AIF1: variants seen among roughly 807,000 people sequenced by gnomAD.
The protein encoded by AIF1 is allograft inflammatory factor 1.
A neutral mutation model predicts 20.6 loss-of-function variants in AIF1; 21 were observed. That is an observed-to-expected ratio of 1.02 (90% confidence interval 0.72 to 1.47). The LOEUF (loss-of-function observed/expected upper bound fraction) is 1.47. AIF1 is among the 40% of genes most tolerant of loss of function. AIF1 has a pLI of 0.00. For missense variants in AIF1, 161 were observed against 170.5 expected (o/e 0.94, Z 0.31); for synonymous variants, 52 against 65.8 (o/e 0.79, Z 1.01).
intron 3 of AIF1, 150 bp downstream of exon 3, chr6:31,615,886 C>G: frequency 1.3e-6 from 2 of 1,485,884 alleles, no homozygotes; most frequent in Non-Finnish European, 1.8e-6. Context: ...TGCCACACTG[C>G]GGTCCCTTTC....
chr6:31,616,793 G>A lies in AIF1; in HGVS notation c.360-23G>A. 1 of 1,613,874 alleles carries A rather than the reference G, an allele frequency of 6.2e-7. No individual in the cohort carries two copies. Among genetic ancestry groups the A allele is most frequent in the Non-Finnish European group, 8.5e-7 (1 of 1,179,960 alleles). ...TTGAGAGGAGTGTTCCCTGATCCCT[G>A]TGCCTCTTCCCATCTCAACCAGGAT... On this transcript the variant is annotated intron_variant, in intron 5 of 5. Transcript: ENST00000376059. The surrounding 1 kb of genome is among the most constrained non-coding windows in gnomAD (Gnocchi z 4.0).
At position 31,616,281 on chromosome 6, in the gene AIF1, G is replaced by A. The variant is rs775235423; in HGVS notation, c.197-63G>A. 1.5e-5 allele frequency: 24 copies of A among 1,612,828 alleles called. No individual in the cohort carries two copies. Among genetic ancestry groups the A allele is most frequent in the African/African-American group, 8.0e-5 (6 of 74,890 alleles). On this transcript the variant is annotated intron_variant, in intron 4 of 5. Transcript: ENST00000376059. The surrounding 1 kb of genome is among the most constrained non-coding windows in gnomAD (Gnocchi z 4.0). ...GTGGGAGGAAGGAGAATGGGGATGC[G>A]GAAGTGGGAGAGGAGAGAGAGGGTC...
Position 31,616,457 on chromosome 6 carries a change from C to G in AIF1, c.310C>G (p.Pro104Ala), listed in dbSNP as rs758360049. ...TGGCTCCGGGGAGACGTTCAGCTACCCTGACTTTCTCAGGATGATGCTGGG... is the reference window on the plus strand; with the variant it reads ...TGGCTCCGGGGAGACGTTCAGCTACGCTGACTTTCTCAGGATGATGCTGGG... Reference protein sequence around the residue: ...SSGSGETFSYPDFLRMMLGKR... With the variant: ...SSGSGETFSYADFLRMMLGKR... The change falls in exon 5 of 6, where the codon CCT becomes GCT. Residue 104 changes from proline to alanine, a missense_variant. By Grantham distance (27) the Pro-to-Ala change is conservative. Transcript: ENST00000376059. This position sits in a 1 kb window ranked among gnomAD's most constrained non-coding sequence, Gnocchi z 4.0. 41 of 1,612,608 alleles carry G rather than the reference C, an allele frequency of 2.5e-5. No individual in the cohort carries two copies. The African/African-American group carries it at 5.1e-4, about 20-fold the overall frequency.
At position 31,616,641 on chromosome 6, in the gene AIF1, TC is replaced by T. The variant is rs1316226045; in HGVS notation, c.359+138del. 5 of 1,489,126 alleles carry T rather than the reference TC, an allele frequency of 3.4e-6. No homozygotes were observed. In the Admixed American group the frequency reaches 1.3e-4, roughly 37 times the overall value. The allele number at this position is 1,489,126 out of a possible 1,614,324, so 92.2% of individuals were successfully genotyped here. A position where few individuals can be genotyped will look rare whatever the true frequency, so the allele number is the denominator to read the frequency against. On this transcript the variant is annotated intron_variant, in intron 5 of 5. Transcript: ENST00000376059. The surrounding 1 kb of genome is among the most constrained non-coding windows in gnomAD (Gnocchi z 4.0). ...CATCCTTAGAGGGACCCTTCCAAGG[TC>T]CCGACCCCATCCCTATCCATAGTCC...
rs1353967744 is a variant in AIF1 at position 31,616,507 on chromosome 6, G to A, written c.359+1G>A. On this transcript the variant is annotated splice_donor_variant, in intron 5 of 5. Transcript: ENST00000376059. LOFTEE classifies it high-confidence loss of function. The surrounding 1 kb of genome is among the most constrained non-coding windows in gnomAD (Gnocchi z 4.0). ...GCAAGAGATCTGCCATCCTAAAAAT[G>A]TGAGTGTCAATTTCCAACCTCCCCT... is the stretch of plus-strand genomic sequence containing the variant. 5 of 1,603,488 alleles carry A rather than the reference G, an allele frequency of 3.1e-6. No homozygotes were observed. The highest frequency in any genetic ancestry group is 1.7e-5 in the Admixed American group (1 of 58,974).
intron 1 of AIF1, 60 bp from the exon 2 acceptor site, chr6:31,615,461 G>A: frequency 6.2e-7 from 1 of 1,613,692 alleles, no homozygotes; most frequent in Non-Finnish European, 8.5e-7. Flanking sequence ...GCCCGGGCTG[G>A]TGTCAGGGTA....
chr6:31,616,657 A>G lies in AIF1; in HGVS notation c.359+151A>G. The G allele has an allele frequency of 6.7e-7, 1 of 1,488,236 alleles. No homozygotes were observed. Among genetic ancestry groups the G allele is most frequent in the Non-Finnish European group, 8.9e-7 (1 of 1,117,980 alleles). The allele number at this position is 1,488,236 out of a possible 1,614,324, so 92.2% of individuals were successfully genotyped here. A position where few individuals can be genotyped will look rare whatever the true frequency, so the allele number is the denominator to read the frequency against. ...CTTCCAAGGTCCCGACCCCATCCCTATCCATAGTCCTGGTCCCCAGAAACT... is the reference window on the plus strand; with the variant it reads ...CTTCCAAGGTCCCGACCCCATCCCTGTCCATAGTCCTGGTCCCCAGAAACT... On this transcript the variant is annotated intron_variant, in intron 5 of 5. Coordinates refer to ENST00000376059, the MANE Select transcript of AIF1 (RefSeq NM_001623.5). The surrounding 1 kb of genome is among the most constrained non-coding windows in gnomAD (Gnocchi z 4.0).
rs1443456630 is a variant in AIF1 at position 31,616,436 on chromosome 6, T to C, written c.289T>C (p.Ser97Pro). ...KKLIGEVSSG[S>P]GETFSYPDFL... ...ATTAATTGGAGAGGTGTCCAGTGGC[T>C]CCGGGGAGACGTTCAGCTACCCTGA... Residue 97 changes from serine (S) to proline (P), a missense_variant, in exon 5 of 6, where the codon TCC (serine) becomes CCC (proline). Coordinates refer to ENST00000376059, the MANE Select transcript of AIF1 (RefSeq NM_001623.5). This position sits in a 1 kb window ranked among gnomAD's most constrained non-coding sequence, Gnocchi z 4.0. 3.1e-6 allele frequency: 5 copies of C among 1,613,034 alleles called. No homozygotes were observed. The highest frequency in any genetic ancestry group is 4.2e-6 in the Non-Finnish European group (5 of 1,180,004).
At position 31,615,754 on chromosome 6, in the gene AIF1, G is replaced by A. The variant is rs1197516854; in HGVS notation, c.154+18G>A. 2.5e-6 allele frequency: 4 copies of A among 1,602,316 alleles called. No individual in the cohort carries two copies. In the African/African-American group the frequency reaches 4.0e-5, roughly 16 times the overall value. ...CTTCAAAGGTGAGGGGGAAACTGTA[G>A]GCGGTGGAGACAGGGCTGGGGGTAG... On this transcript the variant is annotated intron_variant, in intron 3 of 5. Coordinates refer to ENST00000376059, the MANE Select transcript of AIF1 (RefSeq NM_001623.5).
chr6:31,616,627 G>A lies in AIF1; in HGVS notation c.359+121G>A. ...ATCATCCCTTCTTCCATCCTTAGAGGGACCCTTCCAAGGTCCCGACCCCAT... is the reference window on the plus strand; with the variant it reads ...ATCATCCCTTCTTCCATCCTTAGAGAGACCCTTCCAAGGTCCCGACCCCAT... On this transcript the variant is annotated intron_variant, in intron 5 of 5. Coordinates refer to ENST00000376059, the MANE Select transcript of AIF1 (RefSeq NM_001623.5). The surrounding 1 kb of genome is among the most constrained non-coding windows in gnomAD (Gnocchi z 4.0). 1 of 1,493,138 alleles carries A rather than the reference G, an allele frequency of 6.7e-7. No individual in the cohort carries two copies. Among genetic ancestry groups the A allele is most frequent in the Non-Finnish European group, 8.9e-7 (1 of 1,120,956 alleles). The allele number at this position is 1,493,138 out of a possible 1,614,324, so 92.5% of individuals were successfully genotyped here.
At chr6:31,615,908 T>C in intron 3 of AIF1, 172 bp downstream of exon 3, 1 of 1,479,290 alleles carries the variant, frequency 6.8e-7, no homozygotes, top group Non-Finnish European at 9.0e-7. Context: ...CGGGCCTGCC[T>C]CTCTCAGCAT....
chr6:31,616,785 T>A lies in AIF1; in HGVS notation c.360-31T>A. On this transcript the variant is annotated intron_variant, in intron 5 of 5. Coordinates refer to ENST00000376059, the MANE Select transcript of AIF1 (RefSeq NM_001623.5). The surrounding 1 kb of genome is among the most constrained non-coding windows in gnomAD (Gnocchi z 4.0). ...TTATTCCCTTGAGAGGAGTGTTCCC[T>A]GATCCCTGTGCCTCTTCCCATCTCA... The A allele has an allele frequency of 6.2e-7, 1 of 1,614,006 alleles. No individual in the cohort carries two copies. The highest frequency in any genetic ancestry group is 1.7e-4 in the Middle Eastern group (1 of 6,052).
Position 31,616,272 on chromosome 6 carries a change from T to C in AIF1, c.197-72T>C, listed in dbSNP as rs745581792. ...CCTACCACAGTGGGAGGAAGGAGAA[T>C]GGGGATGCGGAAGTGGGAGAGGAGA... On this transcript the variant is annotated intron_variant, in intron 4 of 5. Transcript: ENST00000376059. The surrounding 1 kb of genome is among the most constrained non-coding windows in gnomAD (Gnocchi z 4.0). 2.5e-6 allele frequency: 4 copies of C among 1,612,904 alleles called. No homozygotes were observed. In the South Asian group the frequency reaches 3.3e-5, roughly 13 times the overall value.
In AIF1 at chr6:31,616,928, G is replaced by T. The variant is rs376483694; in HGVS notation, c.*28G>T. ...TGAAGGGAAAAGGGATGATGGGATT[G>T]AAGGGGCTTCTAATGACCCAGATAT... On this transcript the variant is annotated 3_prime_UTR_variant, in exon 6 of 6. Transcript: ENST00000376059. The surrounding 1 kb of genome is among the most constrained non-coding windows in gnomAD (Gnocchi z 4.0). The T allele has an allele frequency of 3.1e-6, 5 of 1,613,874 alleles. No homozygotes were observed. The highest frequency in any genetic ancestry group is 8.5e-7 in the Non-Finnish European group (1 of 1,179,936).
Position 31,616,625 on chromosome 6 carries a change from AG to A in AIF1, c.359+122del. 1 of 1,496,056 alleles carries A rather than the reference AG, an allele frequency of 6.7e-7. No homozygotes were observed. Among genetic ancestry groups the A allele is most frequent in the Non-Finnish European group, 8.9e-7 (1 of 1,122,442 alleles). The allele number at this position is 1,496,056 out of a possible 1,614,324, so 92.7% of individuals were successfully genotyped here. A position where few individuals can be genotyped will look rare whatever the true frequency, so the allele number is the denominator to read the frequency against. On this transcript the variant is annotated intron_variant, in intron 5 of 5. Transcript: ENST00000376059. The surrounding 1 kb of genome is among the most constrained non-coding windows in gnomAD (Gnocchi z 4.0). ...CCATCATCCCTTCTTCCATCCTTAG[AG>A]GGACCCTTCCAAGGTCCCGACCCCA...
Position 31,616,074 on chromosome 6 carries a change from T to C in AIF1, c.155-30T>C. On this transcript the variant is annotated intron_variant, in intron 3 of 5. Coordinates refer to ENST00000376059, the MANE Select transcript of AIF1 (RefSeq NM_001623.5). The surrounding 1 kb of genome is among the most constrained non-coding windows in gnomAD (Gnocchi z 4.0). Reference sequence around the variant, plus strand: ...CTGCTGAAAACCCTCCAGTCAGCGCTTATCCCTTCTGCTCTCTCCCCTCAC... The same window carrying C: ...CTGCTGAAAACCCTCCAGTCAGCGCCTATCCCTTCTGCTCTCTCCCCTCAC... 1 of 1,549,500 alleles carries C rather than the reference T, an allele frequency of 6.5e-7. No homozygotes were observed. Among genetic ancestry groups the C allele is most frequent in the South Asian group, 1.2e-5 (1 of 80,322 alleles).
Position 31,615,731 on chromosome 6 carries a change from T to C in AIF1, c.149T>C (p.Phe50Ser). 3.7e-6 allele frequency: 6 copies of C among 1,608,276 alleles called. No individual in the cohort carries two copies. Among genetic ancestry groups the C allele is most frequent in the Non-Finnish European group, 5.1e-6 (6 of 1,177,270 alleles). ...GATCTGCCCTCCAAACTGGAAGGCT[T>C]CAAAGGTGAGGGGGAAACTGTAGGC... ...DEDLPSKLEG[F>S]KEKYMEFDLN... Residue 50 changes from phenylalanine to serine, a missense_variant, in exon 3 of 6, where the codon TTC (phenylalanine) becomes TCC (serine). By Grantham distance (155) the Phe-to-Ser change is radical. Transcript: ENST00000376059.
Position 31,615,578 on chromosome 6 carries a change from A to G in AIF1, c.83A>G (p.Asn28Ser). The change falls in exon 2 of 6, where the codon AAC becomes AGC. Residue 28 changes from asparagine to serine, a missense_variant. Transcript: ENST00000376059. The stretch of plus-strand genomic sequence containing the variant: ...CAGGAAGAGAGGCTGGATGAGATCA[A>G]CAAGGTAGAAGGAAGAACTAAGGGG... ...AQQEERLDEI[N>S]KQFLDDPKYS... The G allele has an allele frequency of 6.2e-7, 1 of 1,613,836 alleles. No individual in the cohort carries two copies. The highest frequency in any genetic ancestry group is 8.5e-7 in the Non-Finnish European group (1 of 1,179,944).
chr6:31,616,730 C>T lies in AIF1; in HGVS notation c.360-86C>T. The stretch of plus-strand genomic sequence containing the variant: ...CCCCTTCCACCCTCACATCCCCATC[C>T]CCTTCTAGCCTTTCCTAGCACCCTA... On this transcript the variant is annotated intron_variant, in intron 5 of 5. Coordinates refer to ENST00000376059, the MANE Select transcript of AIF1 (RefSeq NM_001623.5). The surrounding 1 kb of genome is among the most constrained non-coding windows in gnomAD (Gnocchi z 4.0). 6.3e-7 allele frequency: 1 copy of T among 1,591,340 alleles called. No homozygotes were observed. The highest frequency in any genetic ancestry group is 1.1e-5 in the South Asian group (1 of 89,218).
Sources: gnomAD v4.1 joint callset for allele counts on GRCh38, gnomAD v4.1.1 for gene constraint, Gnocchi (gnomAD v3.1) non-coding constraint, MANE v1.5 for transcripts, NCBI Gene and HGNC (gene_info 2026-07-23, HGNC 2026-07-21) for gene names.